Variants in FGF10 observed in about 807,000 individuals in gnomAD.
The protein encoded by FGF10 is FGF-10.
In FGF10, 2 loss-of-function variants were observed where a neutral mutation model predicts 19.8. That is an observed-to-expected ratio of 0.10 (90% CI 0.04 to 0.32). The LOEUF (loss-of-function observed/expected upper bound fraction) is 0.32, where lower values mean the gene tolerates loss of function less well. Ranked by LOEUF, FGF10 falls within the 10% of genes least tolerant of loss-of-function variation. FGF10 has a pLI of 1.00. For missense variants in FGF10, 191 were observed against 246.3 expected (o/e 0.78, Z 1.50); for synonymous variants, 112 against 94.0 (o/e 1.19, Z -1.10).
intron 1 of FGF10, among the ~76,000 whole-genome samples, chr5:44,387,051 T>C (rs1436458940): frequency 1.3e-5 from 2 of 152,128 alleles, no homozygotes; most frequent in Non-Finnish European, 2.9e-5. Flanking sequence ...CCTTTAAAGG[T>C]GACTTGGAAT....
intron 1 of FGF10, among the ~76,000 whole-genome samples, chr5:44,331,983 A>G (rs533869356): frequency 3.4e-5 from 5 of 149,140 alleles, no homozygotes; most frequent in East Asian, 3.9e-4. Context: ...ACTTGAAGGG[A>G]AAAAAAAAAC....
At chr5:44,330,226 T>G (rs566597601) in intron 1 of FGF10, among the ~76,000 whole-genome samples, 1 of 152,310 alleles carries the variant, frequency 6.6e-6, no homozygotes, top group East Asian at 1.9e-4. Context: ...AGACTTCGCT[T>G]TCTCAACATA....
At chr5:44,371,434 C>T (rs1451920461) in intron 1 of FGF10, among the ~76,000 whole-genome samples, 2 of 152,098 alleles carry the variant, frequency 1.3e-5, no homozygotes, top group East Asian at 1.9e-4. Context: ...TGAACTAAGG[C>T]AACACTAATT....
chr5:44,344,438 A>G (rs911882333), intron 1 of FGF10, among the ~76,000 whole-genome samples: 2 of 151,920 alleles, frequency 1.3e-5, no homozygotes, highest in East Asian at 1.9e-4. Context: ...AAAAGATTAA[A>G]TGAATTTTTT....
chr5:44,307,308 T>C (rs1740101241), intron 2 of FGF10, among the ~76,000 whole-genome samples: 1 of 152,146 alleles, frequency 6.6e-6, no homozygotes, highest in African/African-American at 2.4e-5. Context: ...AAAAGAAAAT[T>C]CAGGCTACAG....
intron 1 of FGF10, among the ~76,000 whole-genome samples, chr5:44,353,556 T>C (rs1246547538): frequency 6.6e-6 from 1 of 151,606 alleles, no homozygotes; most frequent in African/African-American, 2.4e-5. Flanking sequence ...AATAATAAAT[T>C]TTAAAAAGTA....
At chr5:44,355,168 G>A (rs1352277856) in intron 1 of FGF10, among the ~76,000 whole-genome samples, 1 of 151,408 alleles carries the variant, frequency 6.6e-6, no homozygotes, top group African/African-American at 2.4e-5. Flanking sequence ...AATGGGGTAG[G>A]AAAGAAGACA....
chr5:44,321,494 G>A (rs895674000), intron 1 of FGF10, among the ~76,000 whole-genome samples: 3 of 152,144 alleles, frequency 2.0e-5, no homozygotes, highest in African/African-American at 7.2e-5. Flanking sequence ...AACTGAATTG[G>A]TCATTTTGTG....
chr5:44,367,680 A>G (rs913138570), intron 1 of FGF10, among the ~76,000 whole-genome samples: 2 of 152,046 alleles, frequency 1.3e-5, no homozygotes, highest in African/African-American at 4.8e-5. Flanking sequence ...CATATAAAGT[A>G]CATAGGCCTA....
intron 1 of FGF10, among the ~76,000 whole-genome samples, chr5:44,346,927 G>C (rs192263668): frequency 6.6e-6 from 1 of 151,794 alleles, no homozygotes; most frequent in East Asian, 1.9e-4. Context: ...TTCTAGCACA[G>C]CATCTTATTT....
rs869035955 is a variant in FGF10, at chr5:44,349,422, TTATATATATATATA to T, written c.326-38906_326-38893del. Among the ~76,000 whole-genome samples the T allele has an allele frequency of 2.0e-3, 82 of 41,402 alleles. 1 individual carries two copies. Among genetic ancestry groups the T allele is most frequent in the South Asian group, 4.6e-3 (6 of 1,296 alleles). The allele number at this position is 41,402 out of a possible 152,430, so 27.2% of individuals were successfully genotyped here. A position where few individuals can be genotyped will look rare whatever the true frequency, so the allele number is the denominator to read the frequency against. ...CTAAGAAAATGGGAAAGCATTTTCT[TTATATATATATATA>T]TATATATATATATATATATATATAT... is the stretch of plus-strand genomic sequence containing the variant. On this transcript the variant is annotated intron_variant, in intron 1 of 2. Coordinates refer to ENST00000264664, the MANE Select transcript of FGF10 (RefSeq NM_004465.2).
At chr5:44,385,240 A>G (rs1742071384) in intron 1 of FGF10, among the ~76,000 whole-genome samples, 1 of 152,162 alleles carries the variant, frequency 6.6e-6, no homozygotes, top group African/African-American at 2.4e-5. Flanking sequence ...ATGGCAAAGA[A>G]GCAAACAAAA....
chr5:44,314,727 C>T (rs1186759428), intron 1 of FGF10, among the ~76,000 whole-genome samples: 2 of 152,098 alleles, frequency 1.3e-5, no homozygotes, highest in Non-Finnish European at 2.9e-5. Flanking sequence ...TTCCCAGCTG[C>T]TGCTTCTCAT....
At chr5:44,373,667 T>G (rs1023228816) in intron 1 of FGF10, among the ~76,000 whole-genome samples, 3 of 152,104 alleles carry the variant, frequency 2.0e-5, no homozygotes, top group Non-Finnish European at 4.4e-5. Context: ...AAAAAAGCAC[T>G]GTTAATATTA....
intron 1 of FGF10, among the ~76,000 whole-genome samples, chr5:44,376,136 T>G (rs919112709): frequency 6.6e-6 from 1 of 152,092 alleles, no homozygotes; most frequent in Non-Finnish European, 1.5e-5. Flanking sequence ...TTAATACAAC[T>G]TTACATTTAT....
At chr5:44,320,673 C>A (rs1265043773) in intron 1 of FGF10, among the ~76,000 whole-genome samples, 3 of 152,096 alleles carry the variant, frequency 2.0e-5, no homozygotes, top group Admixed American at 6.6e-5. Flanking sequence ...AGATTAAGCA[C>A]CCTGTGTCAA....
chr5:44,348,027 G>A (rs999688373), intron 1 of FGF10, among the ~76,000 whole-genome samples: 2 of 151,572 alleles, frequency 1.3e-5, no homozygotes, highest in Non-Finnish European at 1.5e-5. Flanking sequence ...GCCACGATTT[G>A]CTATAAAATG....
At chr5:44,329,807 C>T (rs1006831628) in intron 1 of FGF10, among the ~76,000 whole-genome samples, 2 of 152,098 alleles carry the variant, frequency 1.3e-5, no homozygotes, top group Non-Finnish European at 1.5e-5. Flanking sequence ...TTGGCAAGAC[C>T]TTGTTCCAGT....
intron 1 of FGF10, among the ~76,000 whole-genome samples, chr5:44,322,353 G>A (rs1406040127): frequency 6.6e-6 from 1 of 152,108 alleles, no homozygotes; most frequent in African/African-American, 2.4e-5. Context: ...GTGAACATTG[G>A]GATTTCTGAT....
Sources: gnomAD v4.1 joint callset for allele counts (sites outside exome capture counted in the v4.1 genomes callset) on GRCh38, gnomAD v4.1.1 for gene constraint, MANE v1.5 for transcripts, NCBI Gene and HGNC (gene_info 2026-07-23, HGNC 2026-07-21) for gene names.